The following LINGO2 variants were observed in gnomAD, a reference collection of about 807,000 sequenced individuals.
The protein encoded by LINGO2 is leucine rich repeat and Ig domain containing 2.
In LINGO2, 14 loss-of-function variants were observed where a neutral mutation model predicts 30.6. The observed-to-expected ratio is 0.46, with a 90% confidence interval of 0.30 to 0.72. LINGO2 has a LOEUF of 0.72. Among genes scored for constraint, LINGO2 ranks in the 30% least tolerant of loss-of-function variants. The pLI, the probability that LINGO2 is intolerant of heterozygous loss-of-function variation, is 0.07. For synonymous variants in LINGO2, 317 were observed against 288.5 expected (o/e 1.10, Z -1.00); for missense variants, 729 against 751.7 (o/e 0.97, Z 0.35).
At position 28,603,774 on chromosome 9, in the gene LINGO2, T is replaced by C. The variant is rs1825589154; in HGVS notation, c.-365+66426A>G. ...GATCAGACAATCCAGGACAGTGTTA[T>C]TTGAATTTATTCTTTGGCATAGTTC... On this transcript the variant is annotated intron_variant, in intron 1 of 5. Coordinates refer to ENST00000379992, the Ensembl canonical transcript of LINGO2. 2.0e-5 allele frequency among the ~76,000 whole-genome samples: 3 copies of C among 152,160 alleles called. No homozygotes were observed. The South Asian group carries it at 6.2e-4, about 32-fold the overall frequency.
chr9:29,039,586 G>T, the LINGO2 span, among the ~76,000 whole-genome samples: 2 of 152,088 alleles, frequency 1.3e-5, no homozygotes, highest in Non-Finnish European at 2.9e-5. Context: ...TGTCTACTTT[G>T]CATTTTCTCT....
chr9:28,156,940 G>C (rs1828147361), intron 4 of LINGO2, among the ~76,000 whole-genome samples: 1 of 152,196 alleles, frequency 6.6e-6, no homozygotes, highest in South Asian at 2.1e-4. Context: ...GCTTTGTAGG[G>C]TACAAGCTCC....
At chr9:28,799,966 A>G in the LINGO2 span, among the ~76,000 whole-genome samples, 5 of 152,104 alleles carry the variant, frequency 3.3e-5, no homozygotes, top group Non-Finnish European at 5.9e-5. Flanking sequence ...ATTTAGCAAA[A>G]AACTTTTTTT....
At chr9:28,856,558 G>A in the LINGO2 span, among the ~76,000 whole-genome samples, 3 of 151,980 alleles carry the variant, frequency 2.0e-5, no homozygotes, top group African/African-American at 7.2e-5. Context: ...TGAGAAAGGA[G>A]AGTTATGAAC....
chr9:28,412,172 C>A (rs1160972571), intron 2 of LINGO2, among the ~76,000 whole-genome samples: 1 of 136,978 alleles, frequency 7.3e-6, no homozygotes, highest in Non-Finnish European at 1.6e-5. Context: ...TAGCTTAGCT[C>A]CCACTTGTAA....
chr9:28,847,977 A>ATG, the LINGO2 span, among the ~76,000 whole-genome samples: 1 of 111,172 alleles, frequency 9.0e-6, no homozygotes, highest in Non-Finnish European at 1.8e-5. Flanking sequence ...ATATGTATAT[A>ATG]TGTGTATATA....
chr9:28,735,762 C>T, the LINGO2 span, among the ~76,000 whole-genome samples: 1 of 150,962 alleles, frequency 6.6e-6, no homozygotes. Flanking sequence ...GAACAAAAAT[C>T]TCATTACTTA....
chr9:28,030,740 C>T (rs1330450920), intron 4 of LINGO2, among the ~76,000 whole-genome samples: 1 of 152,048 alleles, frequency 6.6e-6, no homozygotes, highest in Non-Finnish European at 1.5e-5. Flanking sequence ...CATGTTGTAA[C>T]CCTACTATCA....
At chr9:28,302,319 G>A (rs1297058865) in intron 3 of LINGO2, among the ~76,000 whole-genome samples, 4 of 152,156 alleles carry the variant, frequency 2.6e-5, no homozygotes, top group Non-Finnish European at 4.4e-5. Flanking sequence ...CAAGAACAGT[G>A]CCACTGCATT....
chr9:28,155,289 C>T (rs1828103166), intron 4 of LINGO2, among the ~76,000 whole-genome samples: 1 of 152,134 alleles, frequency 6.6e-6, no homozygotes. Context: ...ATGCTGTGAC[C>T]ATGTGAGAAG....
chr9:28,926,660 A>C, the LINGO2 span, among the ~76,000 whole-genome samples: 1 of 152,096 alleles, frequency 6.6e-6, no homozygotes, highest in Non-Finnish European at 1.5e-5. Context: ...AATATGGTTA[A>C]CGTCTATTTT....
chr9:28,464,125 GAATT>G (rs1825199641), intron 2 of LINGO2, among the ~76,000 whole-genome samples: 1 of 152,110 alleles, frequency 6.6e-6, no homozygotes, highest in African/African-American at 2.4e-5. Context: ...TCTATGGTAT[GAATT>G]ATTATTTCAT....
At chr9:28,768,963 C>T in the LINGO2 span, among the ~76,000 whole-genome samples, 2 of 151,970 alleles carry the variant, frequency 1.3e-5, no homozygotes, top group Admixed American at 1.3e-4. Flanking sequence ...TAAAAGTGCT[C>T]TCAAAGACAC....
intron 2 of LINGO2, among the ~76,000 whole-genome samples, chr9:28,405,822 G>A (rs931879383): frequency 6.6e-6 from 1 of 151,904 alleles, no homozygotes; most frequent in African/African-American, 2.4e-5. Context: ...CTTCTCTATG[G>A]TTTTTATATG....
intron 1 of LINGO2, among the ~76,000 whole-genome samples, chr9:28,631,343 G>A (rs1036456656): frequency 2.1e-5 from 3 of 143,478 alleles, no homozygotes; most frequent in Admixed American, 7.2e-5. Flanking sequence ...GGTGTGTGAT[G>A]TTCCCCTTCC....
At chr9:28,590,541 A>G (rs1189100606) in intron 1 of LINGO2, among the ~76,000 whole-genome samples, 1 of 152,206 alleles carries the variant, frequency 6.6e-6, no homozygotes, top group Non-Finnish European at 1.5e-5. Flanking sequence ...TATGCAGCCA[A>G]AAAACACATG....
At chr9:28,109,427 T>C (rs1350869616) in intron 4 of LINGO2, among the ~76,000 whole-genome samples, 1 of 152,158 alleles carries the variant, frequency 6.6e-6, no homozygotes, top group Admixed American at 6.6e-5. Context: ...ATAATGGGTA[T>C]TCAAATAGGA....
At chr9:28,163,519 T>C (rs1305393295) in intron 4 of LINGO2, among the ~76,000 whole-genome samples, 1 of 152,132 alleles carries the variant, frequency 6.6e-6, no homozygotes, top group African/African-American at 2.4e-5. Flanking sequence ...CTATAGAACT[T>C]AGAAAGGAAG....
intron 4 of LINGO2, among the ~76,000 whole-genome samples, chr9:28,048,533 C>A (rs1360534555): frequency 6.6e-6 from 1 of 150,578 alleles, no homozygotes; most frequent in African/African-American, 2.5e-5. Context: ...AGTAAGGAAT[C>A]CATTTATTTA....
Sources: allele counts gnomAD v4.1 joint callset (sites outside exome capture counted in the v4.1 genomes callset), GRCh38; gene constraint gnomAD v4.1.1; transcripts MANE v1.5; gene names NCBI Gene and HGNC (gene_info 2026-07-23, HGNC 2026-07-21).